Variants in RXRA observed in about 807,000 individuals in gnomAD.
RXRA encodes the protein retinoic acid receptor RXR-alpha.
RXRA carries 5 observed loss-of-function variants against 44.5 expected under a neutral mutation model. The observed-to-expected ratio is 0.11, with a 90% CI of 0.06 to 0.24. RXRA has a LOEUF of 0.24. RXRA is among the 10% of genes least tolerant of loss of function. RXRA has a pLI of 1.00. For missense variants in RXRA, 412 were observed against 646.5 expected, an observed-to-expected ratio of 0.64 and a Z score of 3.93; for synonymous variants, 291 against 271.4, an observed-to-expected ratio of 1.07 and a Z score of -0.71.
intron 1 of RXRA, among the ~76,000 whole-genome samples, chr9:134,377,608 C>T (rs1423328157): frequency 6.6e-6 from 1 of 152,234 alleles, no homozygotes; most frequent in African/African-American, 2.4e-5. Flanking sequence ...TCCCAACTTC[C>T]CTCTCCGGGA....
chr9:134,427,948 A>C (rs994229812), intron 6 of RXRA, among the ~76,000 whole-genome samples: 4 of 151,910 alleles, frequency 2.6e-5, no homozygotes, highest in Non-Finnish European at 4.4e-5. Context: ...ACTCCATGTC[A>C]CCCTGTCTAT....
intron 1 of RXRA, among the ~76,000 whole-genome samples, chr9:134,384,871 C>T (rs1036840394): frequency 2.4e-4 from 37 of 152,192 alleles, no homozygotes; most frequent in African/African-American, 8.7e-4. Flanking sequence ...CAGTCCTGAG[C>T]ACCGCCTGCA....
At chr9:134,350,132 C>T (rs374892473) in intron 1 of RXRA, among the ~76,000 whole-genome samples, 16 of 151,994 alleles carry the variant, frequency 1.1e-4, no homozygotes, top group African/African-American at 2.4e-4. Flanking sequence ...GATGTCATGC[C>T]GATCGCATGC....
intron 1 of RXRA, among the ~76,000 whole-genome samples, chr9:134,390,394 C>T (rs562184850): frequency 7.9e-5 from 12 of 152,324 alleles, no homozygotes; most frequent in Non-Finnish European, 1.2e-4. Flanking sequence ...CATTACACTC[C>T]CAAAGTCCAA....
rs1175231173 is a variant in RXRA at position 134,379,803 on chromosome 9, A to G, written c.29-21829A>G. On this transcript the variant is annotated intron_variant, in intron 1 of 9. Transcript: ENST00000481739. ...CCAGCTGCCCCTAAGGATGGAGCTC[A>G]GTCTTCCCCAGCTCCAACCCTGGGG... The G allele has an allele frequency of 4.1e-6, 4 of 985,152 alleles. No homozygotes were observed. In the African/African-American group the frequency reaches 5.2e-5, roughly 13 times the overall value. 61.0% of individuals were successfully genotyped at this position (985,152 alleles called of 1,614,324 possible).
intron 1 of RXRA, among the ~76,000 whole-genome samples, chr9:134,339,617 G>A (rs1463159769): frequency 6.7e-6 from 1 of 149,676 alleles, no homozygotes; most frequent in Non-Finnish European, 1.5e-5. Flanking sequence ...TTCTGTGTGA[G>A]TCTCTGTGTG....
At position 134,419,581 on chromosome 9, in the gene RXRA, C is replaced by T. The variant is rs959878096; in HGVS notation, c.781-2095C>T. Among the ~76,000 whole-genome samples the T allele has an allele frequency of 9.2e-5, 14 of 152,224 alleles. No homozygotes were observed. The East Asian group carries it at 1.5e-3, about 17-fold the overall frequency. ...TCCAGAGAGGGGGCGACCTGCCCAG[C>T]GTCACGGTCCTGGTGCCTGGTTTCT... On this transcript the variant is annotated intron_variant, in intron 5 of 9. Transcript: ENST00000481739.
At chr9:134,382,158 T>TG (rs1454792187) in intron 1 of RXRA, among the ~76,000 whole-genome samples, 1 of 151,088 alleles carries the variant, frequency 6.6e-6, no homozygotes, top group Non-Finnish European at 1.5e-5. Context: ...TGAGCCAAGG[T>TG]GTAGATGCTG....
At chr9:134,424,113 G>A (rs1831394646) in intron 6 of RXRA, 6 of 980,920 alleles carry the variant, frequency 6.1e-6, no homozygotes, top group Non-Finnish European at 6.1e-6. Context: ...CTGAGGGCCT[G>A]CGTGGGGTGG....
At chr9:134,413,141 C>T (rs1831177049) in intron 4 of RXRA, among the ~76,000 whole-genome samples, 1 of 152,220 alleles carries the variant, frequency 6.6e-6, no homozygotes, top group South Asian at 2.1e-4. Flanking sequence ...TCGCCCAGTC[C>T]TCAGGTTCCT....
At chr9:134,420,791 G>A (rs990894228) in intron 5 of RXRA, among the ~76,000 whole-genome samples, 1 of 152,224 alleles carries the variant, frequency 6.6e-6, no homozygotes, top group African/African-American at 2.4e-5. Context: ...AGCCCCACCT[G>A]CCAGGAGCTG....
In RXRA at chr9:134,349,046, G is replaced by A. The variant is rs755992655; in HGVS notation, c.28+22387G>A. ...CACTTGCAGTGAAGGGCTGGTCCCCGCTGAGAAGGCTGGTGATGCATGGTG... is the reference window on the plus strand; with the variant it reads ...CACTTGCAGTGAAGGGCTGGTCCCCACTGAGAAGGCTGGTGATGCATGGTG... On this transcript the variant is annotated intron_variant, in intron 1 of 9. Coordinates refer to ENST00000481739, the MANE Select transcript of RXRA (RefSeq NM_002957.6). The surrounding 1 kb of genome is among the most constrained non-coding windows in gnomAD (Gnocchi z 4.3). 9.8e-5 allele frequency among the ~76,000 whole-genome samples: 15 copies of A among 152,328 alleles called. No individual in the cohort carries two copies. Among genetic ancestry groups the A allele is most frequent in the Middle Eastern group, 3.4e-3 (1 of 294 alleles).
At chr9:134,367,066 T>G (rs564241118) in intron 1 of RXRA, among the ~76,000 whole-genome samples, 1 of 152,292 alleles carries the variant, frequency 6.6e-6, no homozygotes, top group Admixed American at 6.5e-5. Flanking sequence ...ACAGTCATCT[T>G]TTTAAGGCGT....
intron 6 of RXRA, chr9:134,422,488 C>T (rs1281043486): frequency 8.2e-6 from 10 of 1,223,106 alleles, no homozygotes; most frequent in African/African-American, 1.5e-5. Flanking sequence ...CGGGACACTC[C>T]CCCCTCCCAG....
At chr9:134,421,645 T>C (rs765396484) in intron 5 of RXRA, 31 bp from the exon 6 acceptor site, 6 of 1,547,144 alleles carry the variant, frequency 3.9e-6, no homozygotes, top group Non-Finnish European at 5.3e-6. Context: ...CTTCTGGGAC[T>C]GAATGTCCTG....
intron 6 of RXRA, chr9:134,423,808 G>T (rs1831387776): frequency 1.0e-6 from 1 of 985,476 alleles, no homozygotes; most frequent in African/African-American, 1.7e-5. Flanking sequence ...CCAGCTGCAG[G>T]CCTGCCTGAC....
chr9:134,352,066 G>A (rs1554749554), intron 1 of RXRA, among the ~76,000 whole-genome samples: 3 of 152,320 alleles, frequency 2.0e-5, no homozygotes, highest in East Asian at 3.9e-4. Context: ...GGGAGGGAGC[G>A]AGGCTGCACA....
At chr9:134,339,329 C>A (rs896205419) in intron 1 of RXRA, among the ~76,000 whole-genome samples, 3 of 152,160 alleles carry the variant, frequency 2.0e-5, no homozygotes, top group Admixed American at 1.3e-4. Flanking sequence ...GCCCGTGAGC[C>A]TGTGTGGGCT....
At chr9:134,385,972 T>A (rs909271439) in intron 1 of RXRA, among the ~76,000 whole-genome samples, 1 of 152,214 alleles carries the variant, frequency 6.6e-6, no homozygotes, top group Non-Finnish European at 1.5e-5. Flanking sequence ...CGGTCGTGTC[T>A]CGGATTGAGG....
Sources: allele counts gnomAD v4.1 joint callset (sites outside exome capture counted in the v4.1 genomes callset), GRCh38; gene constraint gnomAD v4.1.1; non-coding constraint Gnocchi (gnomAD v3.1); transcripts MANE v1.5; gene names NCBI Gene and HGNC (gene_info 2026-07-23, HGNC 2026-07-21).